The following RBFOX1 variants were observed in gnomAD, a reference collection of about 807,000 sequenced individuals.
RBFOX1 encodes RNA binding protein fox-1 homolog 1.
RBFOX1 carries 8 observed loss-of-function variants against 57.7 expected under a neutral mutation model. The ratio of observed to expected loss-of-function variants is 0.14; its 90% CI spans 0.08 to 0.25. The LOEUF (loss-of-function observed/expected upper bound fraction) is 0.25. RBFOX1 is among the 10% of genes least tolerant of loss of function. RBFOX1 has a pLI of 1.00. For synonymous variants in RBFOX1, 326 were observed against 222.4 expected (o/e 1.47, Z -4.15); for missense variants, 611 against 548.5 (o/e 1.11, Z -1.14).
At chr16:5,837,513 T>A (rs888853141) in intron 3 of RBFOX1, among the ~76,000 whole-genome samples, 1 of 151,162 alleles carries the variant, frequency 6.6e-6, no homozygotes, top group African/African-American at 2.4e-5. Context: ...ACATTCCCAC[T>A]CCCAACCCCA....
intron 1 of RBFOX1, among the ~76,000 whole-genome samples, chr16:6,165,657 G>C (rs112543547): frequency 7.9e-5 from 12 of 152,316 alleles, no homozygotes; most frequent in East Asian, 5.8e-4. Flanking sequence ...TTTGAATTTT[G>C]TCTGATAAAT....
At chr16:7,386,580 A>G (rs1227919134) in intron 4 of RBFOX1, among the ~76,000 whole-genome samples, 1 of 152,120 alleles carries the variant, frequency 6.6e-6, no homozygotes, top group Non-Finnish European at 1.5e-5. Flanking sequence ...GCTGCATAGT[A>G]TTCCATGGTG....
intron 2 of RBFOX1, among the ~76,000 whole-genome samples, chr16:5,543,837 AT>A (rs1283235641): frequency 6.6e-6 from 1 of 152,224 alleles, no homozygotes; most frequent in Non-Finnish European, 1.5e-5. Context: ...GTGACAGTGT[AT>A]TTTTTGGTCA....
chr16:6,134,514 G>C (rs1027342021), intron 1 of RBFOX1, among the ~76,000 whole-genome samples: 2 of 152,016 alleles, frequency 1.3e-5, no homozygotes, highest in Admixed American at 6.5e-5. Flanking sequence ...CTGTGAGCTC[G>C]GGGAAACCTA....
chr16:6,237,720 G>A (rs146746491), intron 1 of RBFOX1, among the ~76,000 whole-genome samples: 2,553 of 151,922 alleles, frequency 0.017, 77 homozygotes, highest in African/African-American at 0.058. Flanking sequence ...CAGCCTGGGC[G>A]ACAGAGTGAG....
chr16:6,334,280 G>A (rs1295406959), intron 2 of RBFOX1, among the ~76,000 whole-genome samples: 1 of 151,984 alleles, frequency 6.6e-6, no homozygotes, highest in African/African-American at 2.4e-5. Context: ...GGCCAAGGTG[G>A]GCAGATTTCC....
At chr16:5,639,988 C>T (rs141974435) in intron 3 of RBFOX1, among the ~76,000 whole-genome samples, 2 of 152,180 alleles carry the variant, frequency 1.3e-5, no homozygotes, top group African/African-American at 4.8e-5. Flanking sequence ...CAGGAGTGTT[C>T]ACTGGCACTG....
chr16:5,812,191 G>A (rs7342688), intron 3 of RBFOX1, among the ~76,000 whole-genome samples: 205 of 152,292 alleles, frequency 1.3e-3, no homozygotes, highest in African/African-American at 4.8e-3. Flanking sequence ...CCATTCACCA[G>A]TTGATAGACA....
At chr16:5,625,520 C>G (rs934192108) in intron 3 of RBFOX1, among the ~76,000 whole-genome samples, 2 of 143,170 alleles carry the variant, frequency 1.4e-5, no homozygotes, top group Non-Finnish European at 3.1e-5. Flanking sequence ...TGGATTTACT[C>G]TTTTAATATT....
chr16:6,726,463 T>C (rs1001215132), intron 3 of RBFOX1, among the ~76,000 whole-genome samples: 4 of 152,078 alleles, frequency 2.6e-5, no homozygotes, highest in South Asian at 2.1e-4. Flanking sequence ...GCTTTAGCTC[T>C]TCCCGTTCCC....
intron 2 of RBFOX1, among the ~76,000 whole-genome samples, chr16:6,380,559 A>C (rs934061801): frequency 6.6e-6 from 1 of 151,662 alleles, no homozygotes; most frequent in Non-Finnish European, 1.5e-5. Flanking sequence ...AATAAATGGC[A>C]GGTAAAGTTA....
intron 4 of RBFOX1, among the ~76,000 whole-genome samples, chr16:7,063,721 C>G (rs760694973): frequency 1.3e-5 from 2 of 152,320 alleles, no homozygotes; most frequent in Admixed American, 6.5e-5. Flanking sequence ...AAACCCAACA[C>G]ACACCTGGGT....
chr16:7,694,454 C>T (rs2078163933), intron 14 of RBFOX1, among the ~76,000 whole-genome samples: 1 of 152,184 alleles, frequency 6.6e-6, no homozygotes. Flanking sequence ...AAGGCAGGGT[C>T]AGTTTTATTT....
intron 4 of RBFOX1, among the ~76,000 whole-genome samples, chr16:7,216,436 C>T (rs914520770): frequency 1.3e-5 from 2 of 152,168 alleles, no homozygotes; most frequent in African/African-American, 2.4e-5. Flanking sequence ...AGGAGGATTG[C>T]TTGAGACCGA....
chr16:7,231,061 G>A (rs2093468638), intron 4 of RBFOX1, among the ~76,000 whole-genome samples: 1 of 152,100 alleles, frequency 6.6e-6, no homozygotes, highest in African/African-American at 2.4e-5. Context: ...TCCATTAAGT[G>A]GAGAGTATCC....
intron 3 of RBFOX1, among the ~76,000 whole-genome samples, chr16:6,794,581 A>T (rs1426511819): frequency 6.6e-6 from 1 of 152,140 alleles, no homozygotes; most frequent in East Asian, 1.9e-4. Context: ...TGTTTAGCAG[A>T]AAACTCATTC....
chr16:5,817,644 A>G (rs2055689951), intron 3 of RBFOX1, among the ~76,000 whole-genome samples: 1 of 151,786 alleles, frequency 6.6e-6, no homozygotes, highest in Non-Finnish European at 1.5e-5. Context: ...GGGTTCATGA[A>G]GATGGGGCTG....
chr16:7,701,842 C>A (rs982910756), intron 14 of RBFOX1, among the ~76,000 whole-genome samples: 3 of 152,162 alleles, frequency 2.0e-5, no homozygotes, highest in Non-Finnish European at 4.4e-5. Context: ...GGAACATTTC[C>A]TAGATAAACC....
intron 4 of RBFOX1, among the ~76,000 whole-genome samples, chr16:5,966,521 G>A (rs1043402983): frequency 6.6e-6 from 1 of 152,316 alleles, no homozygotes; most frequent in Admixed American, 6.5e-5. Context: ...GCAATGGCGC[G>A]TTCTCGGCTC....
Sources: gnomAD v4.1 joint callset for allele counts (sites outside exome capture counted in the v4.1 genomes callset) on GRCh38, gnomAD v4.1.1 for gene constraint, MANE v1.5 for transcripts, NCBI Gene and HGNC (gene_info 2026-07-23, HGNC 2026-07-21) for gene names.